Variants in PITPNM2 observed in about 807,000 individuals in gnomAD.
The protein encoded by PITPNM2 is membrane-associated phosphatidylinositol transfer protein 2.
Under a neutral mutation model 132.2 loss-of-function variants are expected in PITPNM2, and 35 were observed. That is an observed-to-expected ratio of 0.26 (90% confidence interval 0.20 to 0.35). PITPNM2 has a LOEUF of 0.35. Ranked by LOEUF, PITPNM2 falls within the 10% of genes least tolerant of loss-of-function variation. The pLI, the probability that PITPNM2 is intolerant of heterozygous loss-of-function variation, is 1.00. For missense variants in PITPNM2, 1,332 were observed against 1,912.0 expected (o/e 0.70, Z 5.66); for synonymous variants, 738 against 799.2 (o/e 0.92, Z 1.29).
chr12:122,999,027 T>C lies in PITPNM2; in HGVS notation c.1225-1455A>G, dbSNP rs1182455703. 2.6e-5 allele frequency among the ~76,000 whole-genome samples: 4 copies of C among 151,766 alleles called. No homozygotes were observed. The East Asian group carries it at 7.8e-4, about 29-fold the overall frequency. On this transcript the variant is annotated intron_variant, in intron 10 of 25. Transcript: ENST00000320201. ...TCGGGAGGCTGAGGCAGGAAAATCGTTTGTACCCAGGAGGCAGAGGTTGCA... is the reference window on the plus strand; with the variant it reads ...TCGGGAGGCTGAGGCAGGAAAATCGCTTGTACCCAGGAGGCAGAGGTTGCA...
At chr12:123,067,004 CT>C (rs199679466) in intron 2 of PITPNM2, among the ~76,000 whole-genome samples, 3,414 of 152,298 alleles carry the variant, frequency 0.022, 60 homozygotes, top group Middle Eastern at 0.037. Context: ...GTGCAGCCCC[CT>C]CCCCAAATTC....
intron 3 of PITPNM2, among the ~76,000 whole-genome samples, chr12:123,032,662 C>T (rs1161560844): frequency 6.6e-6 from 1 of 152,134 alleles, no homozygotes; most frequent in African/African-American, 2.4e-5. Flanking sequence ...TCTGGGTTCA[C>T]CCTGGCTTGG....
At chr12:123,085,356 A>G (rs964972302) in intron 2 of PITPNM2, among the ~76,000 whole-genome samples, 8 of 152,082 alleles carry the variant, frequency 5.3e-5, no homozygotes, top group African/African-American at 1.9e-4. Context: ...CAAAAAGCCC[A>G]CCCCCTACAA....
chr12:123,072,955 C>T (rs577625674), intron 2 of PITPNM2, among the ~76,000 whole-genome samples: 7 of 152,292 alleles, frequency 4.6e-5, no homozygotes, highest in East Asian at 1.9e-4. Flanking sequence ...GCCTGACTTC[C>T]GAGGCCTGGT....
chr12:123,122,653 G>T (rs1194541467), intron 1 of PITPNM2, among the ~76,000 whole-genome samples: 1 of 152,120 alleles, frequency 6.6e-6, no homozygotes, highest in Non-Finnish European at 1.5e-5. Flanking sequence ...GGTAGCTGCT[G>T]CCCCCACCCT....
Position 122,986,529 on chromosome 12 carries a change from G to A in PITPNM2, c.3633C>T (p.Thr1211=). The part of the protein sequence containing the change: ...HLRVHAAYGS[T]KDVAVYSAIS... ...TGGCGCTGTACACCGCCACGTCCTT[G>A]GTGGAGCCATAGGCCGCGTGCACGC... Residue 1211 remains threonine (T), a synonymous_variant, in exon 25 of 26, where the codon ACC becomes ACT. Transcript: ENST00000320201. The A allele has an allele frequency of 1.3e-6, 2 of 1,599,822 alleles. No homozygotes were observed. The highest frequency in any genetic ancestry group is 2.3e-5 in the East Asian group (1 of 44,358).
rs1442930942 is a variant in PITPNM2, at chr12:123,031,379, C to T, written c.78+3134G>A. Among the ~76,000 whole-genome samples the T allele has an allele frequency of 5.9e-5, 9 of 152,162 alleles. No homozygotes were observed. Among genetic ancestry groups the T allele is most frequent in the East Asian group, 1.9e-4 (1 of 5,188 alleles). ...GGGGGCTGTGGAGGCCAGAACCCAG[C>T]GATGCATCCGCCTGTCTAAGACCCA... is the stretch of plus-strand genomic sequence containing the variant. On this transcript the variant is annotated intron_variant, in intron 3 of 25. Coordinates refer to ENST00000320201, the MANE Select transcript of PITPNM2 (RefSeq NM_020845.3). The surrounding 1 kb of genome is among the most constrained non-coding windows in gnomAD (Gnocchi z 4.5).
In PITPNM2 at chr12:122,996,935, A is replaced by T. The variant is rs2038454928; in HGVS notation, c.1473-25T>A. 6 of 1,542,682 alleles carry T rather than the reference A, an allele frequency of 3.9e-6. No individual in the cohort carries two copies. In the South Asian group the frequency reaches 7.6e-5, roughly 19 times the overall value. On this transcript the variant is annotated intron_variant, in intron 11 of 25. Coordinates refer to ENST00000320201, the MANE Select transcript of PITPNM2 (RefSeq NM_020845.3). ...GCTGGGGAGAGGGGCCAGTCAAGAGAGGGCAGGCGGCTCCAGCTCAGCCCA... is the reference window on the plus strand; with the variant it reads ...GCTGGGGAGAGGGGCCAGTCAAGAGTGGGCAGGCGGCTCCAGCTCAGCCCA...
intron 3 of PITPNM2, among the ~76,000 whole-genome samples, chr12:123,017,049 AAAAAAAAAAG>A (rs1220456734): frequency 1.3e-5 from 2 of 150,884 alleles, no homozygotes; most frequent in African/African-American, 2.4e-5. Flanking sequence ...CCATCTCAAA[AAAAAAAAAAG>A]AAAAAAAAAG....
chr12:123,091,433 A>G (rs1170883222), intron 2 of PITPNM2: 4 of 152,240 alleles, frequency 2.6e-5, no homozygotes, highest in African/African-American at 9.7e-5. Context: ...CTGACAGGGA[A>G]GAAGAACTGA....
intron 3 of PITPNM2, among the ~76,000 whole-genome samples, chr12:123,033,181 A>C (rs1442912480): frequency 6.6e-6 from 1 of 152,252 alleles, no homozygotes; most frequent in Non-Finnish European, 1.5e-5. Flanking sequence ...CCACTGGGTC[A>C]CAGGGACTGG....
chr12:123,139,957 A>G (rs1364987701), intron 1 of PITPNM2, among the ~76,000 whole-genome samples: 1 of 152,096 alleles, frequency 6.6e-6, no homozygotes, highest in Admixed American at 6.6e-5. Context: ...CAAATTTAGA[A>G]CCAAGTTAGG....
intron 2 of PITPNM2, among the ~76,000 whole-genome samples, chr12:123,041,057 T>A (rs1381917317): frequency 2.0e-5 from 3 of 152,202 alleles, no homozygotes; most frequent in Non-Finnish European, 4.4e-5. Context: ...GCTGGTAGTG[T>A]TGTGATTAAA....
rs1273679696 is a variant in PITPNM2 at position 122,995,370 on chromosome 12, GC to G, written c.2054+18del. On this transcript the variant is annotated intron_variant, in intron 14 of 25. Coordinates refer to ENST00000320201, the MANE Select transcript of PITPNM2 (RefSeq NM_020845.3). ...TTCCCACACCCAGAGGCAAGCCCCA[GC>G]CCCCCAGCCCTGCCCACCTGGACAG... 3.8e-6 allele frequency: 6 copies of G among 1,566,866 alleles called. No individual in the cohort carries two copies. In the African/African-American group the frequency reaches 4.0e-5, roughly 11 times the overall value.
At chr12:122,988,960 C>T (rs1314782908) in intron 18 of PITPNM2, 88 bp from the exon 19 acceptor site, 2 of 1,360,092 alleles carry the variant, frequency 1.5e-6, no homozygotes, top group Non-Finnish European at 9.7e-7. Context: ...GCCTGCTCAG[C>T]CCAGCACAGT....
intron 2 of PITPNM2, among the ~76,000 whole-genome samples, chr12:123,094,708 G>A (rs1201405972): frequency 6.6e-6 from 1 of 152,202 alleles, no homozygotes; most frequent in Non-Finnish European, 1.5e-5. Context: ...CCAAGCACAG[G>A]CAGTGGGGTG....
chr12:123,102,218 C>T (rs967822974), intron 2 of PITPNM2, among the ~76,000 whole-genome samples: 9 of 152,194 alleles, frequency 5.9e-5, no homozygotes, highest in African/African-American at 2.2e-4. Flanking sequence ...AAGTGCTGAA[C>T]AACATGTGCT....
chr12:123,049,022 T>A (rs1292388945), intron 2 of PITPNM2, among the ~76,000 whole-genome samples: 2 of 152,146 alleles, frequency 1.3e-5, no homozygotes, highest in African/African-American at 2.4e-5. Context: ...TAGTCCCAGC[T>A]ACTCAGAAGG....
intron 1 of PITPNM2, among the ~76,000 whole-genome samples, chr12:123,129,393 C>T (rs1158941278): frequency 2.6e-5 from 4 of 151,818 alleles, no homozygotes; most frequent in Non-Finnish European, 5.9e-5. Context: ...ACGGTGAAAC[C>T]CCATCTCTAC....
Sources: gnomAD v4.1 joint callset for allele counts (sites outside exome capture counted in the v4.1 genomes callset) on GRCh38, gnomAD v4.1.1 for gene constraint, Gnocchi (gnomAD v3.1) non-coding constraint, MANE v1.5 for transcripts, NCBI Gene and HGNC (gene_info 2026-07-23, HGNC 2026-07-21) for gene names.